SCAF1: variants seen among roughly 807,000 people sequenced by gnomAD.
The protein encoded by SCAF1 is splicing factor, arginine/serine-rich 19.
In SCAF1, 28 loss-of-function variants were observed where a neutral mutation model predicts 91.2. That is an observed-to-expected ratio of 0.31 (90% CI 0.23 to 0.42). SCAF1 has a LOEUF of 0.42. Ranked by LOEUF, SCAF1 falls within the 10% of genes least tolerant of loss-of-function variation. The pLI, the probability that SCAF1 is intolerant of heterozygous loss-of-function variation, is 1.00. For synonymous variants in SCAF1, 1,036 were observed against 833.7 expected (o/e 1.24, Z -4.18); for missense variants, 1,893 against 1,872.1 (o/e 1.01, Z -0.21).
chr19:49,653,505 A>G lies in SCAF1; in HGVS notation c.3116A>G (p.Glu1039Gly). ...GAGGAGGAAGAGGAAGAGGAGGAGG[A>G]GCAGCAGCCTGCTACCACCACGGCC... is the stretch of plus-strand genomic sequence containing the variant. ...EEEEEEEEEE[E>G]QQPATTTATS... Residue 1039 changes from glutamate to glycine, a missense_variant, in exon 7 of 11, where the codon GAG becomes GGG. Physicochemically the swap from Glu to Gly is moderately conservative, Grantham distance 98 (BLOSUM62 -2). Transcript: ENST00000360565. 1.3e-6 allele frequency: 2 copies of G among 1,566,538 alleles called. No individual in the cohort carries two copies. The highest frequency in any genetic ancestry group is 2.3e-5 in the East Asian group (1 of 44,076).
At chr19:49,647,971 C>T (rs1332815530) in intron 6 of SCAF1, among the ~76,000 whole-genome samples, 2 of 151,980 alleles carry the variant, frequency 1.3e-5, no homozygotes, top group Non-Finnish European at 2.9e-5. Flanking sequence ...CTCACTGCGT[C>T]CCCCAGGCTA....
In SCAF1 at chr19:49,653,451, CGGA is replaced by C. The variant is rs763319732; in HGVS notation, c.3078_3080del (p.Glu1039del). 1,156 of 1,517,640 alleles carry C rather than the reference CGGA, an allele frequency of 7.6e-4. No individual in the cohort carries two copies. The highest frequency in any genetic ancestry group is 2.9e-3 in the Admixed American group (147 of 50,790). 94.0% of individuals were successfully genotyped at this position (1,517,640 alleles called of 1,614,324 possible). On this transcript the variant is annotated inframe_deletion, in exon 7 of 11. Coordinates refer to ENST00000360565, the MANE Select transcript of SCAF1 (RefSeq NM_021228.3). ...GAGGAGGCTGGGGTCCGAGGTGGGGCGGAGGAGGAGGAGGAGGAAGAAGAAGAG... is the reference window on the plus strand; with the variant it reads ...GAGGAGGCTGGGGTCCGAGGTGGGGCGGAGGAGGAGGAGGAAGAAGAAGAG...
Position 49,651,862 on chromosome 19 carries a change from G to A in SCAF1, c.1473G>A (p.Arg491=). ...DLRRKILTQR[R]ERYRQRSPSP... The stretch of plus-strand genomic sequence containing the variant: ...GCCGCAAGATCCTGACCCAACGGCG[G>A]GAGCGCTACCGCCAGCGCTCGCCCT... The change falls in exon 7 of 11, where the codon CGG becomes CGA. Residue 491 remains arginine, a synonymous_variant. Coordinates refer to ENST00000360565, the MANE Select transcript of SCAF1 (RefSeq NM_021228.3). 8.0e-7 allele frequency: 1 copy of A among 1,243,206 alleles called. No homozygotes were observed. Among genetic ancestry groups the A allele is most frequent in the South Asian group, 2.1e-5 (1 of 47,708 alleles). 77.0% of individuals were successfully genotyped at this position (1,243,206 alleles called of 1,614,324 possible).
Position 49,651,092 on chromosome 19 carries a change from G to T in SCAF1, c.703G>T (p.Asp235Tyr). 1 of 1,432,264 alleles carries T rather than the reference G, an allele frequency of 7.0e-7. No individual in the cohort carries two copies. Among genetic ancestry groups the T allele is most frequent in the Non-Finnish European group, 9.3e-7 (1 of 1,069,668 alleles). 88.7% of individuals were successfully genotyped at this position (1,432,264 alleles called of 1,614,324 possible). A position where few individuals can be genotyped will look rare whatever the true frequency, so the allele number is the denominator to read the frequency against. The change falls in exon 7 of 11, where the codon GAC becomes TAC. Residue 235 changes from aspartate to tyrosine, a missense_variant. Coordinates refer to ENST00000360565, the MANE Select transcript of SCAF1 (RefSeq NM_021228.3). The stretch of plus-strand genomic sequence containing the variant: ...TATCTATGACCCCTTCCACCCCACC[G>T]ACGAGGCCTACTCTCCACCGCCTGC... ...FDIYDPFHPT[D>Y]EAYSPPPAPE...
At position 49,645,072 on chromosome 19, in the gene SCAF1, G is replaced by A. The variant is rs371344150; in HGVS notation, c.46G>A (p.Glu16Lys). 2 of 1,614,090 alleles carry A rather than the reference G, an allele frequency of 1.2e-6. No homozygotes were observed. Among genetic ancestry groups the A allele is most frequent in the African/African-American group, 2.7e-5 (2 of 74,942 alleles). Reference sequence around the variant, plus strand: ...TCGAGGGAAGACAGAGGAGTCGGGGGAGGATCGGGGCGATGGTCCGCCAGA... The same window carrying A: ...TCGAGGGAAGACAGAGGAGTCGGGGAAGGATCGGGGCGATGGTCCGCCAGA... ...ESRGKTEESG[E>K]DRGDGPPDRD... Residue 16 changes from glutamate (E) to lysine (K), a missense_variant, in exon 2 of 11, where the codon GAG becomes AAG. Physicochemically the swap from Glu to Lys is moderately conservative, Grantham distance 56. Around this residue, in one of 5 missense-constraint regions of SCAF1, gnomAD observed 270 missense variants for 292.5 expected, o/e 0.92. Coordinates refer to ENST00000360565, the MANE Select transcript of SCAF1 (RefSeq NM_021228.3). The surrounding 1 kb of genome is among the most constrained non-coding windows in gnomAD (Gnocchi z 4.6).
At position 49,653,209 on chromosome 19, in the gene SCAF1, G is replaced by T; in HGVS notation, c.2820G>T (p.Val940=). The T allele has an allele frequency of 6.5e-7, 1 of 1,537,084 alleles. No individual in the cohort carries two copies. The highest frequency in any genetic ancestry group is 1.3e-5 in the South Asian group (1 of 79,722). Residue 940 remains valine (V), a synonymous_variant, in exon 7 of 11, where the codon GTG becomes GTT. Coordinates refer to ENST00000360565, the MANE Select transcript of SCAF1 (RefSeq NM_021228.3). ...GCAGCGGGGGCAGTGGTGGCCAGGT[G>T]TCGCTGAAGAAGTCCAAGGCGGATA... ...GGGSGGSGGQ[V]SLKKSKADSC... is the part of the protein sequence containing the mutation.
chr19:49,652,571 C>A lies in SCAF1; in HGVS notation c.2182C>A (p.Arg728=). 1 of 1,566,322 alleles carries A rather than the reference C, an allele frequency of 6.4e-7. No individual in the cohort carries two copies. The highest frequency in any genetic ancestry group is 8.7e-7 in the Non-Finnish European group (1 of 1,154,344). The part of the protein sequence containing the change: ...PSPAPASSPK[R]EVLYDSEGLS... ...TCCTGCTCCGGCCTCCTCACCTAAGCGGGAGGTCCTGTACGACTCCGAGGG... is the reference window on the plus strand; with the variant it reads ...TCCTGCTCCGGCCTCCTCACCTAAGAGGGAGGTCCTGTACGACTCCGAGGG... Residue 728 remains arginine (R), a synonymous_variant, in exon 7 of 11, where the codon CGG becomes AGG. Coordinates refer to ENST00000360565, the MANE Select transcript of SCAF1 (RefSeq NM_021228.3).
At chr19:49,649,937 T>G (rs1568441836) in intron 6 of SCAF1, among the ~76,000 whole-genome samples, 1 of 152,210 alleles carries the variant, frequency 6.6e-6, no homozygotes, top group Non-Finnish European at 1.5e-5. Flanking sequence ...GCTGCCCTCT[T>G]GACCCCTCTC....
chr19:49,645,369 G>A lies in SCAF1; in HGVS notation c.124G>A (p.Ala42Thr). Residue 42 changes from alanine (A) to threonine (T), a missense_variant, in exon 3 of 11, where the codon GCT (alanine) becomes ACT (threonine). Transcript: ENST00000360565. This position sits in a 1 kb window ranked among gnomAD's most constrained non-coding sequence, Gnocchi z 4.6. ...CCTTCCCCAGCGAGCCATCCAGCAG[G>A]CTGTGGGAAGCTCCCTGCAGGGGGA... ...SAFILRAIQQ[A>T]VGSSLQGDLP... The A allele has an allele frequency of 1.2e-6, 2 of 1,613,956 alleles. No individual in the cohort carries two copies. Among genetic ancestry groups the A allele is most frequent in the Non-Finnish European group, 1.7e-6 (2 of 1,179,910 alleles).
In SCAF1 at chr19:49,645,426, G is replaced by T. The variant is rs765181723; in HGVS notation, c.166+15G>T. The T allele has an allele frequency of 1.2e-6, 2 of 1,611,090 alleles. No homozygotes were observed. Among genetic ancestry groups the T allele is most frequent in the African/African-American group, 1.3e-5 (1 of 74,754 alleles). Reference sequence around the variant, plus strand: ...CAATGATAAAGGTATGGCGGCTTCCGGTTCCTTTTAGCCCCTGCCCCCTCT... The same window carrying T: ...CAATGATAAAGGTATGGCGGCTTCCTGTTCCTTTTAGCCCCTGCCCCCTCT... On this transcript the variant is annotated intron_variant, in intron 3 of 10. Transcript: ENST00000360565. The surrounding 1 kb of genome is among the most constrained non-coding windows in gnomAD (Gnocchi z 4.6).
chr19:49,653,595 G>T lies in SCAF1; in HGVS notation c.3206G>T (p.Gly1069Val). ...GCGGGGTCCACAGCCGGTGACTCGG[G>T]GGCGGAGGACGGGCCAGCTTCCCGT... ...PSAGSTAGDS[G>V]AEDGPASRVS... The change falls in exon 7 of 11, where the codon GGG becomes GTG. Residue 1069 changes from glycine to valine, a missense_variant. By Grantham distance (109) the Gly-to-Val change is moderately radical. Transcript: ENST00000360565. 6.3e-7 allele frequency: 1 copy of T among 1,584,948 alleles called. No individual in the cohort carries two copies.
chr19:49,644,809 G>T, intron 1 of SCAF1: 1 of 422,578 alleles, frequency 2.4e-6, no homozygotes, highest in Non-Finnish European at 4.2e-6. Flanking sequence ...CAGAAAAAAG[G>T]AAGAGAATTG....
At chr19:49,649,802 G>A (rs2081075257) in intron 6 of SCAF1, among the ~76,000 whole-genome samples, 1 of 152,202 alleles carries the variant, frequency 6.6e-6, no homozygotes, top group East Asian at 1.9e-4. Context: ...GCCATAAAGG[G>A]TGTTGGATGA....
intron 1 of SCAF1, among the ~76,000 whole-genome samples, chr19:49,643,683 T>C (rs1323223586): frequency 6.6e-6 from 1 of 152,226 alleles, no homozygotes; most frequent in East Asian, 1.9e-4. Flanking sequence ...ATTAAGCTTC[T>C]GATATGTGAC....
rs770625805 is a variant in SCAF1, at chr19:49,652,733, A to C, written c.2344A>C (p.Arg782=). 3 of 1,604,604 alleles carry C rather than the reference A, an allele frequency of 1.9e-6. No homozygotes were observed. The highest frequency in any genetic ancestry group is 1.7e-6 in the Non-Finnish European group (2 of 1,175,914). The change falls in exon 7 of 11, where the codon AGG becomes CGG. Residue 782 remains arginine (R), a synonymous_variant. Transcript: ENST00000360565. ...GGACGGGGGTGACCGGGATCGGGAC[A>C]GGGACAGAGATAGGGACAGGGACAG... ...ALDGGDRDRD[R]DRDRDRDRSS... is the part of the protein sequence containing the mutation.
chr19:49,657,000 C>G (rs1418872095), intron 9 of SCAF1, among the ~76,000 whole-genome samples: 2 of 152,118 alleles, frequency 1.3e-5, no homozygotes, highest in Non-Finnish European at 2.9e-5. Flanking sequence ...ACAAAAAGTA[C>G]AAGAATTAGC....
Position 49,648,563 on chromosome 19 carries a change from C to A in SCAF1, c.478+1733C>A, listed in dbSNP as rs536557598. ...CATGAGCCACCATGCCTGCCACACCCCCCCCCCTTTTTTTTTAACAGCTGG... is the reference window on the plus strand; with the variant it reads ...CATGAGCCACCATGCCTGCCACACCACCCCCCCTTTTTTTTTAACAGCTGG... On this transcript the variant is annotated intron_variant, in intron 6 of 10. Coordinates refer to ENST00000360565, the MANE Select transcript of SCAF1 (RefSeq NM_021228.3). 2.4e-4 allele frequency among the ~76,000 whole-genome samples: 36 copies of A among 150,204 alleles called. No individual in the cohort carries two copies. In the East Asian group the frequency reaches 6.6e-3, roughly 28 times the overall value.
intron 9 of SCAF1, among the ~76,000 whole-genome samples, 159 bp downstream of exon 9, chr19:49,655,029 G>A (rs746191859): frequency 6.6e-6 from 1 of 152,214 alleles, no homozygotes; most frequent in Non-Finnish European, 1.5e-5. Flanking sequence ...CCACTTTGCT[G>A]GAATGGGTGA....
At position 49,645,260 on chromosome 19, in the gene SCAF1, C is replaced by A. The variant is rs1024539041; in HGVS notation, c.109-94C>A. On this transcript the variant is annotated intron_variant, in intron 2 of 10. Transcript: ENST00000360565. The surrounding 1 kb of genome is among the most constrained non-coding windows in gnomAD (Gnocchi z 4.6). ...GCTCCCTTGAAGCACTTGAGTCTAG[C>A]TGTCAGTGTCTGGGATGTCTGTCTC... 2 of 1,512,630 alleles carry A rather than the reference C, an allele frequency of 1.3e-6. No individual in the cohort carries two copies. Among genetic ancestry groups the A allele is most frequent in the Non-Finnish European group, 1.8e-6 (2 of 1,089,912 alleles). The allele number at this position is 1,512,630 out of a possible 1,614,324, so 93.7% of individuals were successfully genotyped here. A position where few individuals can be genotyped will look rare whatever the true frequency, so the allele number is the denominator to read the frequency against.
Sources: allele counts gnomAD v4.1 joint callset (sites outside exome capture counted in the v4.1 genomes callset), GRCh38; gene constraint gnomAD v4.1.1; regional missense constraint gnomAD v4.1.1; non-coding constraint Gnocchi (gnomAD v3.1); transcripts MANE v1.5; gene names NCBI Gene and HGNC (gene_info 2026-07-23, HGNC 2026-07-21).